Variants in ACOXL observed in about 807,000 individuals in gnomAD.
ACOXL encodes acyl-CoA oxidase like.
A neutral mutation model predicts 71.9 loss-of-function variants in ACOXL; 70 were observed. The ratio of observed to expected loss-of-function variants is 0.97; its 90% CI spans 0.80 to 1.19. The LOEUF is 1.19. Ranked by LOEUF, ACOXL falls within the 50% of genes most tolerant of loss-of-function variation. The probability of loss-of-function intolerance (pLI) is 0.00; values close to 1 mark genes in which losing one functional copy is unlikely to be tolerated. For synonymous variants in ACOXL, 253 were observed against 281.6 expected (o/e 0.90, Z 1.02); for missense variants, 703 against 736.3 (o/e 0.95, Z 0.52).
chr2:110,990,232 G>A (rs2063117154), intron 13 of ACOXL, among the ~76,000 whole-genome samples: 3 of 151,676 alleles, frequency 2.0e-5, no homozygotes, highest in African/African-American at 7.3e-5. Context: ...TGTCCTTCAG[G>A]GTTGTATAAT....
intron 9 of ACOXL, among the ~76,000 whole-genome samples, chr2:110,830,328 A>G (rs971651036): frequency 3.3e-5 from 5 of 152,182 alleles, no homozygotes; most frequent in Non-Finnish European, 5.9e-5. Flanking sequence ...GACTCAACAC[A>G]TATTGTACGC....
At chr2:111,034,601 A>G (rs1049675530) in intron 15 of ACOXL, among the ~76,000 whole-genome samples, 9 of 152,252 alleles carry the variant, frequency 5.9e-5, no homozygotes, top group African/African-American at 1.9e-4. Flanking sequence ...AAGAAAAATC[A>G]TAAGAATTAG....
At chr2:110,914,553 T>A (rs1373862270) in intron 11 of ACOXL, among the ~76,000 whole-genome samples, 1 of 152,254 alleles carries the variant, frequency 6.6e-6, no homozygotes, top group Non-Finnish European at 1.5e-5. Flanking sequence ...ATTTACTTAT[T>A]AGTCATTTAT....
chr2:111,037,214 G>A (rs1471435168), intron 15 of ACOXL, among the ~76,000 whole-genome samples: 1 of 152,154 alleles, frequency 6.6e-6, no homozygotes, highest in Non-Finnish European at 1.5e-5. Context: ...GTTTGGGTCA[G>A]CTGGGCCCTA....
Position 110,979,438 on chromosome 2 carries a change from A to G in ACOXL, c.1060-7670A>G, listed in dbSNP as rs548545820. On this transcript the variant is annotated intron_variant, in intron 12 of 17. Transcript: ENST00000439055. ...CCAGAAACCTTCAGCTGAATTCCTCATAGGTCCCATTGGCCAGGACGGTGC... is the reference window on the plus strand; with the variant it reads ...CCAGAAACCTTCAGCTGAATTCCTCGTAGGTCCCATTGGCCAGGACGGTGC... Among the ~76,000 whole-genome samples the G allele has an allele frequency of 2.0e-5, 3 of 152,320 alleles. No homozygotes were observed. The East Asian group carries it at 5.8e-4, about 29-fold the overall frequency.
chr2:110,784,883 A>G (rs1254667104), intron 3 of ACOXL, 68 bp downstream of exon 3: 1 of 1,449,862 alleles, frequency 6.9e-7, no homozygotes, highest in Admixed American at 2.2e-5. Context: ...AATGAAAACT[A>G]TAACCCCGTG....
chr2:110,757,340 A>G (rs1212047868), intron 1 of ACOXL, among the ~76,000 whole-genome samples: 1 of 152,178 alleles, frequency 6.6e-6, no homozygotes, highest in Non-Finnish European at 1.5e-5. Flanking sequence ...TTGCTAATGT[A>G]AATAGTGCTG....
chr2:111,009,539 G>T (rs1004931508), intron 14 of ACOXL, among the ~76,000 whole-genome samples: 1 of 150,032 alleles, frequency 6.7e-6, no homozygotes, highest in Non-Finnish European at 1.5e-5. Context: ...GAAAAGAAAA[G>T]AAAATGGAGC....
chr2:110,972,915 A>G (rs2062274081), intron 12 of ACOXL, among the ~76,000 whole-genome samples: 1 of 152,242 alleles, frequency 6.6e-6, no homozygotes, highest in South Asian at 2.1e-4. Context: ...ATATCAATGC[A>G]GACTTTCAGA....
intron 9 of ACOXL, among the ~76,000 whole-genome samples, chr2:110,821,805 C>G (rs1688634401): frequency 6.6e-6 from 1 of 152,182 alleles, no homozygotes; most frequent in Admixed American, 6.5e-5. Flanking sequence ...AGTATGTACT[C>G]ATGGATATTT....
At chr2:110,783,714 C>T (rs1683611434) in intron 2 of ACOXL, among the ~76,000 whole-genome samples, 1 of 152,168 alleles carries the variant, frequency 6.6e-6, no homozygotes, top group South Asian at 2.1e-4. Context: ...CAGGCACATG[C>T]ACACACATGT....
intron 9 of ACOXL, among the ~76,000 whole-genome samples, chr2:110,818,043 T>C (rs1410693066): frequency 6.6e-6 from 1 of 151,724 alleles, no homozygotes; most frequent in African/African-American, 2.4e-5. Flanking sequence ...AGAGGATATG[T>C]TTGTCAATGT....
chr2:111,079,196 GT>G lies in ACOXL; in HGVS notation c.1441-13668del, dbSNP rs1163456403. The stretch of plus-strand genomic sequence containing the variant: ...GGTTATTCCTTGGGTATTCAGTAGG[GT>G]ATTCATCACCCAAATAATGTACATT... On this transcript the variant is annotated intron_variant, in intron 16 of 17. Transcript: ENST00000439055. 5.3e-5 allele frequency among the ~76,000 whole-genome samples: 8 copies of G among 152,186 alleles called. No individual in the cohort carries two copies. The East Asian group carries it at 1.5e-3, about 29-fold the overall frequency.
At chr2:111,068,345 CG>C (rs1180986871) in intron 16 of ACOXL, among the ~76,000 whole-genome samples, 6 of 152,088 alleles carry the variant, frequency 3.9e-5, no homozygotes, top group Non-Finnish European at 7.4e-5. Flanking sequence ...AGGCTGGGGC[CG>C]GGTCACAGAA....
chr2:110,751,847 A>G (rs1679008406), intron 1 of ACOXL, among the ~76,000 whole-genome samples: 1 of 152,208 alleles, frequency 6.6e-6, no homozygotes, highest in Admixed American at 6.5e-5. Context: ...TTGACTCAAC[A>G]TATTTTAGTG....
chr2:111,008,123 C>A (rs1042437996), intron 14 of ACOXL, among the ~76,000 whole-genome samples: 2 of 152,062 alleles, frequency 1.3e-5, no homozygotes, highest in African/African-American at 2.4e-5. Context: ...TCCGAAGTTT[C>A]TTTAATTAGC....
chr2:111,082,027 G>A (rs922349147), intron 16 of ACOXL, among the ~76,000 whole-genome samples: 1 of 152,150 alleles, frequency 6.6e-6, no homozygotes, highest in South Asian at 2.1e-4. Flanking sequence ...ACTCAAGATG[G>A]ATTAAAGACT....
At chr2:110,907,261 T>C (rs1455567400) in intron 10 of ACOXL, among the ~76,000 whole-genome samples, 1 of 152,158 alleles carries the variant, frequency 6.6e-6, no homozygotes, top group Non-Finnish European at 1.5e-5. Context: ...TTTCTTTTTA[T>C]AAGGCCACCA....
chr2:111,063,343 T>C (rs2066908471), intron 16 of ACOXL, among the ~76,000 whole-genome samples: 3 of 152,100 alleles, frequency 2.0e-5, no homozygotes, highest in Admixed American at 2.0e-4. Flanking sequence ...CAGACCAATA[T>C]ACCTTATAAA....
Sources: allele counts gnomAD v4.1 joint callset (sites outside exome capture counted in the v4.1 genomes callset), GRCh38; gene constraint gnomAD v4.1.1; transcripts MANE v1.5; gene names NCBI Gene and HGNC (gene_info 2026-07-23, HGNC 2026-07-21).